DLG2: variants seen among roughly 807,000 people sequenced by gnomAD.
The protein encoded by DLG2 is discs large MAGUK scaffold protein 2.
Under a neutral mutation model 132.5 loss-of-function variants are expected in DLG2, and 45 were observed. The observed-to-expected ratio is 0.34, with a 90% CI of 0.27 to 0.44. The LOEUF is 0.44. Ranked by LOEUF, DLG2 falls within the 20% of genes least tolerant of loss-of-function variation. The pLI, the probability that DLG2 is intolerant of heterozygous loss-of-function variation, is 1.00. For synonymous variants in DLG2, 424 were observed against 419.6 expected (o/e 1.01, Z -0.13); for missense variants, 1,045 against 1,196.9 (o/e 0.87, Z 1.87).
rs11233778 is a variant in DLG2 at position 83,886,691 on chromosome 11, C to T, written c.1497-12203G>A. ...CACCTATTCCAAAATTGACCACATA[C>T]TTGGAAATAAAGCTCTCCTCAGCAA... On this transcript the variant is annotated intron_variant, in intron 15 of 27. Coordinates refer to ENST00000376104, the MANE Select transcript of DLG2 (RefSeq NM_001142699.3). Among the ~76,000 whole-genome samples, 6 of 150,286 alleles carry T rather than the reference C, an allele frequency of 4.0e-5. No homozygotes were observed. The East Asian group carries it at 1.2e-3, about 30-fold the overall frequency.
chr11:85,502,834 T>C (rs1047290877), intron 3 of DLG2, among the ~76,000 whole-genome samples: 2 of 152,044 alleles, frequency 1.3e-5, no homozygotes, highest in South Asian at 2.1e-4. Flanking sequence ...AAAAGAAATA[T>C]ACTCTAGAAA....
intron 6 of DLG2, among the ~76,000 whole-genome samples, chr11:84,946,422 C>A (rs1252711874): frequency 1.3e-5 from 2 of 152,016 alleles, no homozygotes; most frequent in Admixed American, 1.3e-4. Flanking sequence ...CATTAGTCAG[C>A]AGGTGTTGAA....
chr11:83,615,559 GA>G (rs1368903043), intron 19 of DLG2, among the ~76,000 whole-genome samples: 1 of 152,206 alleles, frequency 6.6e-6, no homozygotes, highest in Non-Finnish European at 1.5e-5. Context: ...TTAAGGTTAA[GA>G]AACTTGAAAT....
chr11:83,697,341 A>G (rs1357690232), intron 18 of DLG2, among the ~76,000 whole-genome samples: 1 of 152,242 alleles, frequency 6.6e-6, no homozygotes, highest in Non-Finnish European at 1.5e-5. Context: ...TTTAGGAAAG[A>G]TTACTTTTAT....
intron 6 of DLG2, among the ~76,000 whole-genome samples, chr11:84,564,317 G>A (rs2099441179): frequency 6.6e-6 from 1 of 152,162 alleles, no homozygotes; most frequent in South Asian, 2.1e-4. Flanking sequence ...TAAAGTCCCT[G>A]TCAGCACTGA....
chr11:84,426,281 AATATTGGGGAG>A (rs1404213981), intron 7 of DLG2, among the ~76,000 whole-genome samples: 1 of 152,090 alleles, frequency 6.6e-6, no homozygotes, highest in Non-Finnish European at 1.5e-5. Flanking sequence ...CTTGGCCATC[AATATTGGGGAG>A]ATATTGGACC....
chr11:83,660,473 C>T (rs2073971771), intron 18 of DLG2, among the ~76,000 whole-genome samples: 2 of 152,232 alleles, frequency 1.3e-5, no homozygotes, highest in African/African-American at 2.4e-5. Flanking sequence ...ACTGAACCCC[C>T]ATTCCTGCGC....
intron 6 of DLG2, among the ~76,000 whole-genome samples, chr11:84,833,713 T>C (rs971405759): frequency 2.6e-5 from 4 of 151,472 alleles, no homozygotes; most frequent in Non-Finnish European, 5.9e-5. Flanking sequence ...CAAACTAAGA[T>C]AATGGAAAGT....
intron 15 of DLG2, among the ~76,000 whole-genome samples, chr11:83,921,291 G>A (rs574218857): frequency 1.3e-5 from 2 of 152,150 alleles, no homozygotes; most frequent in South Asian, 2.1e-4. Flanking sequence ...TGCCAGGTAC[G>A]ATTTTTGGCA....
chr11:84,667,423 T>C (rs2099700771), intron 6 of DLG2, among the ~76,000 whole-genome samples: 1 of 150,024 alleles, frequency 6.7e-6, no homozygotes, highest in African/African-American at 2.4e-5. Context: ...GTCTTTAAAA[T>C]AAAAAAATTG....
chr11:85,452,458 C>T, intron 3 of DLG2: 1 of 166,744 alleles, frequency 6.0e-6, no homozygotes, highest in Non-Finnish European at 1.3e-5. Context: ...ATAGTCTCCA[C>T]CACCATCTCC....
intron 19 of DLG2, among the ~76,000 whole-genome samples, chr11:83,617,514 A>G (rs1245363964): frequency 2.0e-5 from 3 of 152,208 alleles, no homozygotes; most frequent in African/African-American, 7.2e-5. Context: ...CTTTTTAATT[A>G]TAGCAGTCTA....
intron 12 of DLG2, among the ~76,000 whole-genome samples, chr11:83,970,398 A>C (rs2091103037): frequency 1.3e-5 from 2 of 152,184 alleles, no homozygotes; most frequent in South Asian, 4.1e-4. Flanking sequence ...GAAATGGGGA[A>C]AGAGGATACT....
chr11:83,560,118 C>CTT (rs66687028), intron 19 of DLG2, among the ~76,000 whole-genome samples: 6 of 143,690 alleles, frequency 4.2e-5, no homozygotes, highest in African/African-American at 1.0e-4. Context: ...CTGAACTTTG[C>CTT]TTTTTTTTTT....
intron 3 of DLG2, among the ~76,000 whole-genome samples, chr11:85,466,024 T>A (rs978018229): frequency 2.0e-5 from 3 of 152,170 alleles, no homozygotes; most frequent in African/African-American, 7.2e-5. Flanking sequence ...GGTATCTCAT[T>A]GTGGTTTTGA....
rs566436258 is a variant in DLG2 at position 85,105,892 on chromosome 11, C to G, written c.357+5769G>C. On this transcript the variant is annotated intron_variant, in intron 6 of 27. Transcript: ENST00000376104. ...CACTATTTTATAACTGGGTTAGATG[C>G]TTCTGAGTGCCATGGTCTGTGTATT... is the stretch of plus-strand genomic sequence containing the variant. 1.1e-4 allele frequency among the ~76,000 whole-genome samples: 17 copies of G among 151,428 alleles called. No individual in the cohort carries two copies. The South Asian group carries it at 3.3e-3, about 30-fold the overall frequency.
intron 7 of DLG2, among the ~76,000 whole-genome samples, chr11:84,417,517 C>T (rs868356979): frequency 3.9e-5 from 6 of 152,232 alleles, no homozygotes; most frequent in Middle Eastern, 3.4e-3. Context: ...CTCCCCAGTA[C>T]AATCATCTAT....
chr11:83,683,032 G>A (rs1277412704), intron 18 of DLG2, among the ~76,000 whole-genome samples: 5 of 152,202 alleles, frequency 3.3e-5, no homozygotes, highest in Middle Eastern at 3.4e-3. Flanking sequence ...CCCAGCAAAC[G>A]AGAAGACTGG....
chr11:85,246,317 G>T (rs943467814), intron 4 of DLG2, among the ~76,000 whole-genome samples: 1 of 151,912 alleles, frequency 6.6e-6, no homozygotes, highest in Non-Finnish European at 1.5e-5. Context: ...AAAGAAACAT[G>T]CATCAGACTA....
Sources: gnomAD v4.1 joint callset for allele counts (sites outside exome capture counted in the v4.1 genomes callset) on GRCh38, gnomAD v4.1.1 for gene constraint, MANE v1.5 for transcripts, NCBI Gene and HGNC (gene_info 2026-07-23, HGNC 2026-07-21) for gene names.